The following RHEX variants were observed in gnomAD, a reference collection of about 807,000 sequenced individuals.
RHEX encodes the protein regulator of hemoglobinization and erythroid cell expansion protein.
Under a neutral mutation model 20.1 loss-of-function variants are expected in RHEX, and 18 were observed. That is an observed-to-expected ratio of 0.90 (90% CI 0.62 to 1.33). The LOEUF is 1.33. Ranked by LOEUF, RHEX falls within the 40% of genes most tolerant of loss-of-function variation. RHEX has a pLI of 0.00. For synonymous variants in RHEX, 87 were observed against 77.1 expected (o/e 1.13, Z -0.67); for missense variants, 192 against 214.3 (o/e 0.90, Z 0.65).
At chr1:206,098,709 G>A (rs1170924871) in intron 3 of RHEX, among the ~76,000 whole-genome samples, 3 of 152,194 alleles carry the variant, frequency 2.0e-5, no homozygotes, top group Non-Finnish European at 4.4e-5. Context: ...GCAAGATGAT[G>A]TTTTGAGGGT....
intron 1 of RHEX, among the ~76,000 whole-genome samples, chr1:206,083,839 C>T (rs1662784571): frequency 1.3e-5 from 2 of 152,098 alleles, no homozygotes; most frequent in Non-Finnish European, 2.9e-5. Context: ...ATTTCTTGTG[C>T]CTGAGACCTG....
rs781841040 is a variant in RHEX, at chr1:206,097,828, C to G, written c.-1C>G. 1 of 1,611,622 alleles carries G rather than the reference C, an allele frequency of 6.2e-7. No homozygotes were observed. The highest frequency in any genetic ancestry group is 1.1e-5 in the South Asian group (1 of 91,026). On this transcript the variant is annotated 5_prime_UTR_variant, in exon 2 of 6. It adds an upstream start codon to the 5' untranslated region. Transcript: ENST00000331555. ...CCCAACTTATCAGCAAGGAGCTCAT[C>G]ATGCTGACAGAGTGAGTGGGCCCAA... is the stretch of plus-strand genomic sequence containing the variant.
intron 1 of RHEX, among the ~76,000 whole-genome samples, chr1:206,064,690 C>T (rs1201952180): frequency 2.0e-5 from 3 of 150,380 alleles, no homozygotes; most frequent in African/African-American, 2.4e-5. Flanking sequence ...CCGCCCCATC[C>T]GGGAGGTGAG....
chr1:206,077,335 C>T (rs1428142920), intron 1 of RHEX, among the ~76,000 whole-genome samples: 1 of 152,166 alleles, frequency 6.6e-6, no homozygotes, highest in Non-Finnish European at 1.5e-5. Flanking sequence ...AAGTGTATGT[C>T]AAAGAAGTTT....
intron 1 of RHEX, among the ~76,000 whole-genome samples, chr1:206,055,918 G>A (rs1184621556): frequency 6.6e-6 from 1 of 152,260 alleles, no homozygotes; most frequent in Non-Finnish European, 1.5e-5. Flanking sequence ...GTCCCTGGTA[G>A]CAATAGCCCT....
Position 206,059,779 on chromosome 1 carries a change from G to T in RHEX, c.-97+6514G>T, listed in dbSNP as rs370719348. ...ATGGACAGAATGTGGCTGGAGAGGGGATGGACTTTGTGTCTCCATCCCTCG... is the reference window on the plus strand; with the variant it reads ...ATGGACAGAATGTGGCTGGAGAGGGTATGGACTTTGTGTCTCCATCCCTCG... On this transcript the variant is annotated intron_variant, in intron 1 of 5. Coordinates refer to ENST00000331555, the MANE Select transcript of RHEX (RefSeq NM_001007544.4). Among the ~76,000 whole-genome samples the T allele has an allele frequency of 3.9e-5, 6 of 152,134 alleles. 1 individual carries two copies. In the East Asian group the frequency reaches 1.2e-3, roughly 29 times the overall value.
At chr1:206,062,914 G>A (rs782147336) in intron 1 of RHEX, among the ~76,000 whole-genome samples, 1 of 152,188 alleles carries the variant, frequency 6.6e-6, no homozygotes, top group African/African-American at 2.4e-5. Context: ...AACAGACAAA[G>A]CCTTGTCCTC....
At chr1:206,055,282 AC>A (rs1465398692) in intron 1 of RHEX, among the ~76,000 whole-genome samples, 4 of 152,206 alleles carry the variant, frequency 2.6e-5, no homozygotes, top group Non-Finnish European at 5.9e-5. Flanking sequence ...TTCCTTGGAG[AC>A]CTGAAGGGAT....
At chr1:206,088,441 G>A (rs993022981) in intron 1 of RHEX, among the ~76,000 whole-genome samples, 1 of 152,174 alleles carries the variant, frequency 6.6e-6, no homozygotes, top group Non-Finnish European at 1.5e-5. Context: ...CCAGCACTTT[G>A]GGAGATTGAG....
At chr1:206,090,835 T>C (rs1553286948) in intron 1 of RHEX, among the ~76,000 whole-genome samples, 1 of 152,160 alleles carries the variant, frequency 6.6e-6, no homozygotes, top group Non-Finnish European at 1.5e-5. Context: ...TTTTATTTTA[T>C]GTCTGTTGCT....
At chr1:206,098,037 C>A in intron 2 of RHEX, 44 bp from the exon 3 acceptor site, 1 of 1,457,446 alleles carries the variant, frequency 6.9e-7, no homozygotes, top group Non-Finnish European at 9.6e-7. Flanking sequence ...ATTGTATTCA[C>A]ATCCTTGCAA....
chr1:206,074,429 G>A (rs529277286), intron 1 of RHEX, among the ~76,000 whole-genome samples: 9 of 152,302 alleles, frequency 5.9e-5, no homozygotes, highest in Admixed American at 5.9e-4. Context: ...TGGAGGGATG[G>A]CATACTGGCC....
At chr1:206,088,472 C>T (rs555133425) in intron 1 of RHEX, among the ~76,000 whole-genome samples, 1 of 152,144 alleles carries the variant, frequency 6.6e-6, no homozygotes, top group Non-Finnish European at 1.5e-5. Context: ...CACTTGAGGC[C>T]AGGAGTTCGA....
rs1481383925 is a variant in RHEX, at chr1:206,102,175, A to G, written c.*223A>G. 2 of 562,044 alleles carry G rather than the reference A, an allele frequency of 3.6e-6. 1 individual carries two copies. The highest frequency in any genetic ancestry group is 4.3e-5 in the South Asian group (2 of 46,066). 34.8% of individuals were successfully genotyped at this position (562,044 alleles called of 1,614,324 possible). On this transcript the variant is annotated 3_prime_UTR_variant, in exon 6 of 6. Transcript: ENST00000331555. ...AGCTGTTCGTTCCTCAAAAACAAAAACAAGGCTTGGCTGGGAAAACAGGCC... is the reference window on the plus strand; with the variant it reads ...AGCTGTTCGTTCCTCAAAAACAAAAGCAAGGCTTGGCTGGGAAAACAGGCC...
intron 1 of RHEX, among the ~76,000 whole-genome samples, chr1:206,066,160 T>C (rs1453685031): frequency 6.6e-6 from 1 of 152,262 alleles, no homozygotes; most frequent in Admixed American, 6.5e-5. Context: ...CCCTGGTCTT[T>C]AGAGGCGTAT....
chr1:206,056,452 C>T lies in RHEX; in HGVS notation c.-97+3187C>T, dbSNP rs373562592. ...TGAGAACTGTTTCCAGTATATACAT[C>T]AAGTCACTGAGGTAGGACAAAAGAT... is the stretch of plus-strand genomic sequence containing the variant. On this transcript the variant is annotated intron_variant, in intron 1 of 5. Coordinates refer to ENST00000331555, the MANE Select transcript of RHEX (RefSeq NM_001007544.4). 1.4e-4 allele frequency: 21 copies of T among 152,390 alleles called. No individual in the cohort carries two copies. The East Asian group carries it at 3.7e-3, about 27-fold the overall frequency. 9.4% of individuals were successfully genotyped at this position (152,390 alleles called of 1,614,324 possible). A position where few individuals can be genotyped will look rare whatever the true frequency, so the allele number is the denominator to read the frequency against.
In RHEX at chr1:206,082,664, A is replaced by G. The variant is rs555944423; in HGVS notation, c.-96-15069A>G. Reference sequence around the variant, plus strand: ...ATATCAGATATTTATTATTAACCCAATTTTACAGATGAAAAAACTGACAAT... The same window carrying G: ...ATATCAGATATTTATTATTAACCCAGTTTTACAGATGAAAAAACTGACAAT... On this transcript the variant is annotated intron_variant, in intron 1 of 5. Transcript: ENST00000331555. Among the ~76,000 whole-genome samples, 100 of 152,322 alleles carry G rather than the reference A, an allele frequency of 6.6e-4. 2 individuals carry two copies. Among genetic ancestry groups the G allele is most frequent in the African/African-American group, 2.2e-3 (91 of 41,564 alleles).
chr1:206,077,403 T>C (rs1481940889), intron 1 of RHEX, among the ~76,000 whole-genome samples: 1 of 152,176 alleles, frequency 6.6e-6, no homozygotes, highest in East Asian at 1.9e-4. Flanking sequence ...ATAGCTGAAA[T>C]GGTTCTGATT....
intron 4 of RHEX, 110 bp downstream of exon 4, chr1:206,099,908 T>C: frequency 1.0e-6 from 1 of 981,264 alleles, no homozygotes; most frequent in Non-Finnish European, 1.6e-6. Flanking sequence ...AGCCTGAGGA[T>C]TCCTCACAGC....
Sources: gnomAD v4.1 joint callset for allele counts (sites outside exome capture counted in the v4.1 genomes callset) on GRCh38, gnomAD v4.1.1 for gene constraint, MANE v1.5 for transcripts, NCBI Gene and HGNC (gene_info 2026-07-23, HGNC 2026-07-21) for gene names.